SLC22A4: variants seen among roughly 807,000 people sequenced by gnomAD.
SLC22A4 encodes the protein solute carrier family 22 member 4, also known as ET transporter.
SLC22A4 carries 39 observed loss-of-function variants against 56.6 expected under a neutral mutation model. That is an observed-to-expected ratio of 0.69 (90% CI 0.53 to 0.90). The LOEUF is 0.90. Ranked by LOEUF, SLC22A4 falls within the 40% of genes least tolerant of loss-of-function variation. The probability of loss-of-function intolerance (pLI) is 0.00; values close to 1 mark genes in which losing one functional copy is unlikely to be tolerated. For missense variants in SLC22A4, 594 were observed against 696.5 expected (o/e 0.85, Z 1.66); for synonymous variants, 241 against 281.4 (o/e 0.86, Z 1.44).
At chr5:132,316,812 T>TA (rs147039882) in intron 3 of SLC22A4, among the ~76,000 whole-genome samples, 47 of 152,322 alleles carry the variant, frequency 3.1e-4, no homozygotes, top group African/African-American at 1.1e-3. Flanking sequence ...TATATATATA[T>TA]TTTTTACTGT....
At position 132,294,460 on chromosome 5, in the gene SLC22A4, C is replaced by G. The variant is rs1339471128; in HGVS notation, c.-157C>G. 2 of 1,015,530 alleles carry G rather than the reference C, an allele frequency of 2.0e-6. No homozygotes were observed. The highest frequency in any genetic ancestry group is 3.1e-4 in the Middle Eastern group (1 of 3,258). The allele number at this position is 1,015,530 out of a possible 1,614,324, so 62.9% of individuals were successfully genotyped here. On this transcript the variant is annotated 5_prime_UTR_variant, in exon 1 of 10. Coordinates refer to ENST00000200652, the MANE Select transcript of SLC22A4 (RefSeq NM_003059.3). This position sits in a 1 kb window ranked among gnomAD's most constrained non-coding sequence, Gnocchi z 5.6. The stretch of plus-strand genomic sequence containing the variant: ...CGCTCCAACGCCTTCAGCCTGTTTC[C>G]CAGGAACGGTCCCCGGCTTCGCGCC...
At chr5:132,316,711 G>A (rs1750369241) in intron 3 of SLC22A4, among the ~76,000 whole-genome samples, 1 of 152,138 alleles carries the variant, frequency 6.6e-6, no homozygotes, top group Admixed American at 6.5e-5. Flanking sequence ...GTGTGTAAGT[G>A]ATGGCATCTT....
chr5:132,302,458 G>C (rs1030122981), intron 1 of SLC22A4, among the ~76,000 whole-genome samples: 1 of 152,144 alleles, frequency 6.6e-6, no homozygotes, highest in Non-Finnish European at 1.5e-5. Flanking sequence ...GTGGTTTTAT[G>C]CATGTCTCTG....
rs184296710 is a variant in SLC22A4, at chr5:132,341,237, G to A, written c.1580+537G>A. Among the ~76,000 whole-genome samples the A allele has an allele frequency of 1.9e-3, 292 of 152,052 alleles. 2 individuals are homozygous for A. The highest frequency in any genetic ancestry group is 8.1e-4 in the Non-Finnish European group (55 of 67,994). ...GATCGAGACCATCCTGGCCAACATG[G>A]TGAAACCCTGTCTCTACTAAAAATA... is the stretch of plus-strand genomic sequence containing the variant. On this transcript the variant is annotated intron_variant, in intron 9 of 9. Transcript: ENST00000200652.
rs968633814 is a variant in SLC22A4 at position 132,304,279 on chromosome 5, T to G, written c.394-7882T>G. Among the ~76,000 whole-genome samples the G allele has an allele frequency of 5.3e-5, 8 of 152,262 alleles. No individual in the cohort carries two copies. The South Asian group carries it at 1.7e-3, about 32-fold the overall frequency. ...AATGAGGCAACTGGCTAGCAATTAG[T>G]GAGGCTAACAGCTGGGTGTGATACC... On this transcript the variant is annotated intron_variant, in intron 1 of 9. Transcript: ENST00000200652.
At chr5:132,319,170 C>T (rs1409360524) in intron 3 of SLC22A4, among the ~76,000 whole-genome samples, 1 of 151,978 alleles carries the variant, frequency 6.6e-6, no homozygotes, top group East Asian at 1.9e-4. Context: ...GGCATGGTGG[C>T]AAGCGCCTGT....
At chr5:132,299,046 A>G (rs1749845146) in intron 1 of SLC22A4, among the ~76,000 whole-genome samples, 1 of 152,240 alleles carries the variant, frequency 6.6e-6, no homozygotes, top group South Asian at 2.1e-4. Context: ...CCCAGTTGGC[A>G]CAACACAGGT....
intron 1 of SLC22A4, among the ~76,000 whole-genome samples, chr5:132,310,713 C>T (rs1047061901): frequency 7.9e-5 from 12 of 152,304 alleles, no homozygotes; most frequent in Middle Eastern, 3.4e-3. Context: ...GGACTATTCT[C>T]GAGGACATTA....
chr5:132,305,419 T>A (rs1287110423), intron 1 of SLC22A4, among the ~76,000 whole-genome samples: 2 of 152,142 alleles, frequency 1.3e-5, no homozygotes, highest in African/African-American at 4.8e-5. Context: ...AACATTAATC[T>A]ACACCTTTCA....
intron 1 of SLC22A4, among the ~76,000 whole-genome samples, chr5:132,302,312 C>G (rs1360773371): frequency 2.0e-5 from 3 of 152,150 alleles, no homozygotes; most frequent in Non-Finnish European, 4.4e-5. Flanking sequence ...AAAAACAAGG[C>G]TTTGACAGGA....
In SLC22A4 at chr5:132,340,572, C is replaced by A; in HGVS notation, c.1452C>A (p.Tyr484Ter). ...IAPYFVYLGA[Y>*]NRMLPYIVMG... The stretch of plus-strand genomic sequence containing the variant: ...ATGTCCCGGGCTTTACAGGTGCTTA[C>A]AACAGAATGCTGCCCTACATCGTCA... Residue 484 changes from tyrosine (Y) to a stop codon, truncating the protein, a stop_gained, in exon 9 of 10, where the codon TAC becomes TAA. Coordinates refer to ENST00000200652, the MANE Select transcript of SLC22A4 (RefSeq NM_003059.3). LOFTEE classifies it high-confidence loss of function. The A allele has an allele frequency of 6.2e-7, 1 of 1,613,972 alleles. No individual in the cohort carries two copies. The highest frequency in any genetic ancestry group is 8.5e-7 in the Non-Finnish European group (1 of 1,179,896).
In SLC22A4 at chr5:132,317,177, T is replaced by C. The variant is rs144377018; in HGVS notation, c.652+3409T>C. 1.2e-3 allele frequency among the ~76,000 whole-genome samples: 184 copies of C among 152,332 alleles called. 3 individuals are homozygous for C. The East Asian group carries it at 0.025, about 21-fold the overall frequency. On this transcript the variant is annotated intron_variant, in intron 3 of 9. Transcript: ENST00000200652. ...GGTCAGGGGATCAATGTATGAATAA[T>C]AGAGGGACACAAACATTCAGTCCAT...
At chr5:132,297,007 T>C (rs1749794385) in intron 1 of SLC22A4, among the ~76,000 whole-genome samples, 1 of 151,868 alleles carries the variant, frequency 6.6e-6, no homozygotes, top group Non-Finnish European at 1.5e-5. Flanking sequence ...CCTTTTTGAG[T>C]GGTGGAAGTA....
rs1265794735 is a variant in SLC22A4, at chr5:132,294,740, C to T, written c.124C>T (p.Leu42=). The stretch of plus-strand genomic sequence containing the variant: ...CTTCAATGGTATGTCAGTCGTGTTC[C>T]TGGCGGGGACCCCGGAGCACCGCTG... ...NGFNGMSVVF[L]AGTPEHRCRV... The change falls in exon 1 of 10, where the codon CTG becomes TTG. Residue 42 remains leucine, a synonymous_variant. Transcript: ENST00000200652. This position sits in a 1 kb window ranked among gnomAD's most constrained non-coding sequence, Gnocchi z 5.6. 2.5e-6 allele frequency: 4 copies of T among 1,614,022 alleles called. No homozygotes were observed. The highest frequency in any genetic ancestry group is 3.4e-6 in the Non-Finnish European group (4 of 1,180,026).
intron 3 of SLC22A4, among the ~76,000 whole-genome samples, chr5:132,317,744 T>A (rs1333106809): frequency 6.6e-6 from 1 of 152,252 alleles, no homozygotes; most frequent in African/African-American, 2.4e-5. Flanking sequence ...GTCAGCTGCG[T>A]ATTTTTGATC....
chr5:132,339,063 C>G (rs1224183963), intron 8 of SLC22A4, among the ~76,000 whole-genome samples: 3 of 152,294 alleles, frequency 2.0e-5, no homozygotes, highest in East Asian at 3.9e-4. Flanking sequence ...ATTTGGGGAA[C>G]TAATAAATGT....
At chr5:132,295,795 C>A (rs1749766094) in intron 1 of SLC22A4, among the ~76,000 whole-genome samples, 1 of 152,248 alleles carries the variant, frequency 6.6e-6, no homozygotes, top group African/African-American at 2.4e-5. Flanking sequence ...CCTCATGGAG[C>A]TGTTGCCTGC....
chr5:132,322,459 C>CGAGTTCCGT, intron 4 of SLC22A4, 104 bp downstream of exon 4: 1 of 1,138,226 alleles, frequency 8.8e-7, no homozygotes, highest in Non-Finnish European at 1.3e-6. Flanking sequence ...ATGACCTCCA[C>CGAGTTCCGT]GGAACTCGCG....
rs142439423 is a variant in SLC22A4 at position 132,323,750 on chromosome 5, T to C, written c.824+1395T>C. ...ACAACTCCCTTGCTAGCTGAATTTA[T>C]TGGAAAAGATGTTAGTGACTAAGGT... On this transcript the variant is annotated intron_variant, in intron 4 of 9. Coordinates refer to ENST00000200652, the MANE Select transcript of SLC22A4 (RefSeq NM_003059.3). 8.3e-4 allele frequency among the ~76,000 whole-genome samples: 127 copies of C among 152,338 alleles called. 2 individuals are homozygous for C. The East Asian group carries it at 0.019, about 23-fold the overall frequency.
Sources: gnomAD v4.1 joint callset for allele counts (sites outside exome capture counted in the v4.1 genomes callset) on GRCh38, gnomAD v4.1.1 for gene constraint, Gnocchi (gnomAD v3.1) non-coding constraint, MANE v1.5 for transcripts, NCBI Gene and HGNC (gene_info 2026-07-23, HGNC 2026-07-21) for gene names.